Variants in SLC14A2 observed in about 807,000 individuals in gnomAD.
SLC14A2 encodes solute carrier family 14 member 2.
Under a neutral mutation model 104.6 loss-of-function variants are expected in SLC14A2, and 91 were observed. That is an observed-to-expected ratio of 0.87 (90% CI 0.73 to 1.04). SLC14A2 has a LOEUF of 1.04. Ranked by LOEUF, SLC14A2 falls within the 50% of genes least tolerant of loss-of-function variation. The pLI is 0.00. For missense variants in SLC14A2, 1,189 were observed against 1,156.0 expected (o/e 1.03, Z -0.41); for synonymous variants, 476 against 466.4 (o/e 1.02, Z -0.27).
chr18:45,202,805 C>G, the SLC14A2 span, among the ~76,000 whole-genome samples: 1 of 152,124 alleles, frequency 6.6e-6, no homozygotes, highest in Non-Finnish European at 1.5e-5. Flanking sequence ...ATTAGTTTCT[C>G]AAATGGAGTT....
intron 2 of SLC14A2, among the ~76,000 whole-genome samples, chr18:45,525,547 T>A (rs923405560): frequency 3.9e-5 from 6 of 152,242 alleles, no homozygotes; most frequent in African/African-American, 1.4e-4. Context: ...CCAAAGCCCT[T>A]GGCCCAGACA....
chr18:45,547,237 T>C (rs1358828527), intron 2 of SLC14A2, among the ~76,000 whole-genome samples: 1 of 152,156 alleles, frequency 6.6e-6, no homozygotes, highest in African/African-American at 2.4e-5. Context: ...ATTATGATGT[T>C]TAGAAACCCA....
chr18:45,321,175 T>C (rs1174126664), intron 1 of SLC14A2, among the ~76,000 whole-genome samples: 1 of 152,214 alleles, frequency 6.6e-6, no homozygotes, highest in African/African-American at 2.4e-5. Context: ...ATCCCTGGGC[T>C]TCCCCAAGAT....
At chr18:45,207,736 A>T in the SLC14A2 span, among the ~76,000 whole-genome samples, 14 of 152,202 alleles carry the variant, frequency 9.2e-5, no homozygotes, top group Non-Finnish European at 2.1e-4. Context: ...ACATAGGGGA[A>T]TCACGTTTCA....
rs2046331256 is a variant in SLC14A2, at chr18:45,682,789, C to A, written c.*270C>A. The A allele has an allele frequency of 1.5e-5, 6 of 404,550 alleles. No homozygotes were observed. Among genetic ancestry groups the A allele is most frequent in the South Asian group, 1.4e-4 (6 of 42,096 alleles). The allele number at this position is 404,550 out of a possible 1,614,324, so 25.1% of individuals were successfully genotyped here. A position where few individuals can be genotyped will look rare whatever the true frequency, so the allele number is the denominator to read the frequency against. ...AACTTGCCCTCTTCTGCGAAATAAG[C>A]CTCATCCTTAAAGAGAAGTCACCGG... On this transcript the variant is annotated 3_prime_UTR_variant, in exon 20 of 20. Coordinates refer to ENST00000255226, the MANE Select transcript of SLC14A2 (RefSeq NM_007163.4).
intron 1 of SLC14A2, among the ~76,000 whole-genome samples, chr18:45,482,797 C>T (rs113492817): frequency 2.4e-4 from 37 of 152,244 alleles, no homozygotes; most frequent in African/African-American, 8.4e-4. Flanking sequence ...GGAGTGATCA[C>T]ACAGTTATAC....
chr18:45,421,422 A>G (rs957679667), intron 1 of SLC14A2, among the ~76,000 whole-genome samples: 2 of 152,194 alleles, frequency 1.3e-5, no homozygotes, highest in Non-Finnish European at 2.9e-5. Flanking sequence ...GAACAAACAC[A>G]ATTGATTCTT....
chr18:45,442,095 G>A (rs183319254), intron 1 of SLC14A2, among the ~76,000 whole-genome samples: 148 of 152,190 alleles, frequency 9.7e-4, no homozygotes, highest in South Asian at 2.7e-3. Context: ...ACAATTTCCC[G>A]TACCTGAGAA....
At chr18:45,500,628 T>C (rs188671608) in intron 2 of SLC14A2, among the ~76,000 whole-genome samples, 1 of 149,792 alleles carries the variant, frequency 6.7e-6, no homozygotes, top group African/African-American at 2.4e-5. Flanking sequence ...CGCATGAGTG[T>C]GTTAGTAATC....
chr18:45,644,600 C>T (rs1355639778), intron 10 of SLC14A2, among the ~76,000 whole-genome samples: 6 of 152,096 alleles, frequency 3.9e-5, no homozygotes, highest in Admixed American at 3.3e-4. Flanking sequence ...GAAGGGAAGG[C>T]TCTCTAGTGG....
chr18:45,561,280 G>A (rs112252044), intron 2 of SLC14A2, among the ~76,000 whole-genome samples: 9 of 152,238 alleles, frequency 5.9e-5, no homozygotes, highest in African/African-American at 2.2e-4. Context: ...CCATCCTGTG[G>A]GCAGAAGAAG....
intron 2 of SLC14A2, among the ~76,000 whole-genome samples, chr18:45,515,050 G>A (rs1053807813): frequency 6.6e-6 from 1 of 152,174 alleles, no homozygotes; most frequent in South Asian, 2.1e-4. Context: ...AGAATAGGTG[G>A]AGGAGAACAT....
At chr18:45,369,975 G>T (rs1344165829) in intron 1 of SLC14A2, among the ~76,000 whole-genome samples, 2 of 152,156 alleles carry the variant, frequency 1.3e-5, no homozygotes, top group African/African-American at 4.8e-5. Context: ...GACCAAACTG[G>T]ATCCTTTATG....
At chr18:45,213,573 G>C (rs2083980538) in intron 1 of SLC14A2, among the ~76,000 whole-genome samples, 1 of 152,148 alleles carries the variant, frequency 6.6e-6, no homozygotes, top group South Asian at 2.1e-4. Context: ...TGTCTATATA[G>C]CTAATTAGTT....
chr18:45,648,815 G>A lies in SLC14A2; in HGVS notation c.1351+4655G>A, dbSNP rs1040010560. On this transcript the variant is annotated intron_variant, in intron 10 of 19. Coordinates refer to ENST00000255226, the MANE Select transcript of SLC14A2 (RefSeq NM_007163.4). The stretch of plus-strand genomic sequence containing the variant: ...GCTTTTTTGTTTTTTCATTGTTCTC[G>A]TTTTAGAAGTTTGATCATGATACTC... Among the ~76,000 whole-genome samples the A allele has an allele frequency of 4.0e-5, 6 of 150,844 alleles. No homozygotes were observed. The East Asian group carries it at 7.8e-4, about 20-fold the overall frequency.
chr18:45,287,990 A>T (rs890894763), intron 1 of SLC14A2, among the ~76,000 whole-genome samples: 1 of 152,158 alleles, frequency 6.6e-6, no homozygotes, highest in African/African-American at 2.4e-5. Flanking sequence ...TCTCCTGCCC[A>T]GTGGCTTTGA....
At chr18:45,627,306 C>T (rs2045275353) in intron 4 of SLC14A2, among the ~76,000 whole-genome samples, 159 bp downstream of exon 4, 1 of 152,212 alleles carries the variant, frequency 6.6e-6, no homozygotes, top group African/African-American at 2.4e-5. Context: ...AATTACACTG[C>T]TCCTGCTCAC....
At chr18:45,372,347 T>C (rs1020915714) in intron 1 of SLC14A2, among the ~76,000 whole-genome samples, 2 of 143,668 alleles carry the variant, frequency 1.4e-5, no homozygotes, top group African/African-American at 5.2e-5. Flanking sequence ...TAATTTCTAT[T>C]AGATAAAATT....
intron 2 of SLC14A2, among the ~76,000 whole-genome samples, chr18:45,573,020 A>AAGAC (rs1011413671): frequency 6.6e-6 from 1 of 152,240 alleles, no homozygotes; most frequent in East Asian, 1.9e-4. Context: ...CCAAAACACC[A>AAGAC]AGACAGACAG....
Sources: gnomAD v4.1 joint callset for allele counts (sites outside exome capture counted in the v4.1 genomes callset) on GRCh38, gnomAD v4.1.1 for gene constraint, MANE v1.5 for transcripts, NCBI Gene and HGNC (gene_info 2026-07-23, HGNC 2026-07-21) for gene names.